The following EOLA2 variants were observed in gnomAD, a reference collection of about 807,000 sequenced individuals.
The protein encoded by EOLA2 is protein EOLA2.
EOLA2 carries 3 observed loss-of-function variants against 4.1 expected under a neutral mutation model. The observed-to-expected ratio is 0.73, with a 90% confidence interval of 0.33 to 1.89. EOLA2 has a LOEUF of 1.89. Ranked by LOEUF, EOLA2 falls within the 40% of genes most tolerant of loss-of-function variation. The pLI is 0.08. For synonymous variants in EOLA2, 52 were observed against 51.7 expected (o/e 1.01, Z -0.03); for missense variants, 109 against 126.4 (o/e 0.86, Z 0.66).
intron 2 of EOLA2, 121 bp downstream of exon 2, chrX:149,937,312 T>C (rs1446811978): frequency 1.7e-5 from 3 of 172,706 alleles, no homozygotes; most frequent in African/African-American, 9.4e-5. Flanking sequence ...CCAACCCTTT[T>C]CTCGTCATCA....
chrX:149,933,717 C>T lies in EOLA2; in HGVS notation c.158G>A (p.Cys53Tyr). 8.3e-7 allele frequency: 1 copy of T among 1,208,047 alleles called. No homozygotes were observed. Among genetic ancestry groups the T allele is most frequent in the Non-Finnish European group, 1.1e-6 (1 of 894,915 alleles). Residue 53 changes from cysteine (C) to tyrosine (Y), a missense_variant, in exon 4 of 5, where the codon TGT becomes TAT. By Grantham distance (194) the Cys-to-Tyr change is radical. Coordinates refer to ENST00000370406, the MANE Select transcript of EOLA2 (RefSeq NM_001013845.2). ...GAGTCTCTCCACCAGCAGCTCCCGA[C>T]AGGCATCGCCTTCCCAGTCCCTGTG... is the stretch of plus-strand genomic sequence containing the variant. ...IAHRDWEGDA[C>Y]RELLVERLGM... is the part of the protein sequence containing the mutation.
In EOLA2 at chrX:149,933,962, G is replaced by C. The variant is rs1223156928; in HGVS notation, c.-30+43C>G. The C allele has an allele frequency of 1.7e-5, 20 of 1,159,347 alleles. No homozygotes were observed. In the Middle Eastern group the frequency reaches 7.4e-4, roughly 43 times the overall value. On this transcript the variant is annotated intron_variant, in intron 3 of 4. Transcript: ENST00000370406. ...CCTTCAAGCTCATGGGCAGTGGCCT[G>C]ACCTTCCCCCCGTGTCTCTCAGGTG...
chrX:149,937,475 C>G lies in EOLA2; in HGVS notation c.-205G>C. ...GAGGAAACACTCTTCCACTTGGTTT[C>G]TTTACCTGCACAACAAGGAAGATAA... On this transcript the variant is annotated 5_prime_UTR_variant, in exon 2 of 5. Coordinates refer to ENST00000370406, the MANE Select transcript of EOLA2 (RefSeq NM_001013845.2). 1 of 675,645 alleles carries G rather than the reference C, an allele frequency of 1.5e-6. No homozygotes were observed. The highest frequency in any genetic ancestry group is 1.8e-6 in the Non-Finnish European group (1 of 566,155). 55.7% of individuals were successfully genotyped at this position (675,645 alleles called of 1,213,427 possible).
Position 149,932,732 on chromosome X carries a change from C to T in EOLA2, c.289G>A (p.Glu97Lys), listed in dbSNP as rs149390769. 2.2e-3 allele frequency: 2,633 copies of T among 1,202,658 alleles called. 13 individuals carry two copies. The highest frequency in any genetic ancestry group is 2.7e-3 in the Non-Finnish European group (2,416 of 892,979). Residue 97 changes from glutamate (E) to lysine (K), a missense_variant, in exon 5 of 5, where the codon GAA becomes AAA. Coordinates refer to ENST00000370406, the MANE Select transcript of EOLA2 (RefSeq NM_001013845.2). ...VDIGETLQCP[E>K]DLTPDEVVEL... ...ACAACCTCATCGGGAGTTAAGTCTT[C>T]GGGGCATTGCAAAGTTTCCCCAATG...
At chrX:149,937,370 T>C (rs2091023507) in intron 2 of EOLA2, 63 bp downstream of exon 2, 1 of 357,197 alleles carries the variant, frequency 2.8e-6, no homozygotes, top group African/African-American at 2.8e-5. Context: ...TAGTAGGAAC[T>C]GATGTAACTG....
chrX:149,936,035 CTT>C (rs1351847155), intron 2 of EOLA2, among the ~76,000 whole-genome samples: 2 of 95,025 alleles, frequency 2.1e-5, no homozygotes, highest in African/African-American at 4.0e-5. Context: ...CCTCTGCACT[CTT>C]GTGACCACAC....
At chrX:149,934,795 C>T (rs2090952284) in intron 2 of EOLA2, among the ~76,000 whole-genome samples, 1 of 112,553 alleles carries the variant, frequency 8.9e-6, no homozygotes, top group Admixed American at 9.3e-5. Flanking sequence ...GCCCAGCCTC[C>T]TGCGTGTGTG....
At chrX:149,930,823 C>T, downstream of EOLA2, 4 of 728,497 alleles carry the variant, frequency 5.5e-6, no homozygotes, top group Non-Finnish European at 6.9e-6. Context: ...GCACCCAGTC[C>T]TTCAGGCGCT....
chrX:149,930,232 T>G (rs1337957213), downstream of EOLA2: 1 of 1,086,403 alleles, frequency 9.2e-7, no homozygotes, highest in Middle Eastern at 2.6e-4. Context: ...GTGTCAAAGA[T>G]AGCATTTGAA....
downstream of EOLA2, chrX:149,930,255 T>C: frequency 9.5e-7 from 1 of 1,055,973 alleles, no homozygotes; most frequent in East Asian, 3.4e-5. Flanking sequence ...TGTGAAATAT[T>C]GTTTATTGAA....
intron 2 of EOLA2, among the ~76,000 whole-genome samples, chrX:149,935,306 C>T (rs1308311592): frequency 5.9e-5 from 4 of 67,505 alleles, no homozygotes; most frequent in South Asian, 8.3e-4. Context: ...GCTCTGGACC[C>T]TGCTCCTCTG....
chrX:149,931,321 T>C, downstream of EOLA2: 1 of 330,000 alleles, frequency 3.0e-6, no homozygotes, highest in Middle Eastern at 9.4e-4. Context: ...CCTTCTATAT[T>C]ATATACATCT....
chrX:149,933,640 C>T lies in EOLA2; in HGVS notation c.235G>A (p.Gly79Ser). Reference protein sequence around the residue: ...QALLRKGEKFGRGVIAGLVDI... With the variant: ...QALLRKGEKFSRGVIAGLVDI... Reference sequence around the variant, plus strand: ...CACTTACCCGCTATCACTCCTCGACCAAACTTTTCCCCTTTCCTGAGCAAG... The same window carrying T: ...CACTTACCCGCTATCACTCCTCGACTAAACTTTTCCCCTTTCCTGAGCAAG... The change falls in exon 4 of 5, where the codon GGT becomes AGT. Residue 79 changes from glycine (G) to serine (S), a missense_variant. Coordinates refer to ENST00000370406, the MANE Select transcript of EOLA2 (RefSeq NM_001013845.2). The T allele has an allele frequency of 8.3e-7, 1 of 1,206,769 alleles. No individual in the cohort carries two copies.
At position 149,932,469 on chromosome X, in the gene EOLA2, C is replaced by T. The variant is rs147302694; in HGVS notation, c.*75G>A. On this transcript the variant is annotated 3_prime_UTR_variant, in exon 5 of 5. Coordinates refer to ENST00000370406, the MANE Select transcript of EOLA2 (RefSeq NM_001013845.2). ...CTTTAACCTAATTTATACAGGTCTGCGTCACGATGGCAAATTGAAGGTGCC... is the reference window on the plus strand; with the variant it reads ...CTTTAACCTAATTTATACAGGTCTGTGTCACGATGGCAAATTGAAGGTGCC... The T allele has an allele frequency of 1.0e-4, 121 of 1,196,406 alleles. 3 individuals are homozygous for T. In the East Asian group the frequency reaches 1.7e-3, roughly 17 times the overall value.
rs1421416945 is a variant in EOLA2 at position 149,935,897 on chromosome X, C to T, written c.-163+1536G>A. On this transcript the variant is annotated intron_variant, in intron 2 of 4. Transcript: ENST00000370406. ...CGGCCCACATCCCGTGGCACTGTGT[C>T]CAAAACCGACACTGAATCTGATCCC... Among the ~76,000 whole-genome samples the T allele has an allele frequency of 4.6e-4, 50 of 108,841 alleles. 1 individual carries two copies. The highest frequency in any genetic ancestry group is 4.3e-3 in the Middle Eastern group (1 of 233). 94.5% of individuals were successfully genotyped at this position (108,841 alleles called of 115,157 possible).
At position 149,932,597 on chromosome X, in the gene EOLA2, C is replaced by T. The variant is rs1467693994; in HGVS notation, c.424G>A (p.Val142Ile). 8.3e-7 allele frequency: 1 copy of T among 1,203,881 alleles called. No homozygotes were observed. Among genetic ancestry groups the T allele is most frequent in the Non-Finnish European group, 1.1e-6 (1 of 892,964 alleles). Residue 142 changes from valine to isoleucine, a missense_variant, in exon 5 of 5, where the codon GTA becomes ATA. Transcript: ENST00000370406. ...EPIPRKGGKD[V>I]FQVDIPEHLI... ...TGCTCTGGGATGTCTACCTGGAATA[C>T]ATCCTTGCCTCCTTTCCTAGGTATG...
intron 2 of EOLA2, among the ~76,000 whole-genome samples, chrX:149,935,250 C>A (rs1408618588): frequency 1.3e-5 from 1 of 78,104 alleles, no homozygotes; most frequent in Admixed American, 1.5e-4. Context: ...CTGCTTTTCT[C>A]CCGCCTCTGG....
rs1360401628 is a variant in EOLA2 at position 149,938,409 on chromosome X, T to A, written c.-427A>T. 1 of 112,564 alleles carries A rather than the reference T, an allele frequency of 8.9e-6. No individual in the cohort carries two copies. The highest frequency in any genetic ancestry group is 1.9e-5 in the Non-Finnish European group (1 of 53,185). The allele number at this position is 112,564 out of a possible 1,213,427, so 9.3% of individuals were successfully genotyped here. A position where few individuals can be genotyped will look rare whatever the true frequency, so the allele number is the denominator to read the frequency against. ...GCTGCCGCTTACTCCCGGAAACCGG[T>A]GGCCAGTGACAGATGCTAGCGGTCC... On this transcript the variant is annotated 5_prime_UTR_variant, in exon 1 of 5. Coordinates refer to ENST00000370406, the MANE Select transcript of EOLA2 (RefSeq NM_001013845.2).
Position 149,932,658 on chromosome X carries a change from C to T in EOLA2, c.363G>A (p.Leu121=), listed in dbSNP as rs782744483. ...ACCACCTGGGGTTTGAAATCACAGT[C>T]AGGTACTTCTGCTTCAGGTTGGTCA... The part of the protein sequence containing the change: ...AALTNLKQKY[L]TVISNPRWLL... The change falls in exon 5 of 5, where the codon CTG becomes CTA. Residue 121 remains leucine (L), a synonymous_variant. Coordinates refer to ENST00000370406, the MANE Select transcript of EOLA2 (RefSeq NM_001013845.2). 1 of 1,208,122 alleles carries T rather than the reference C, an allele frequency of 8.3e-7. No individual in the cohort carries two copies. Among genetic ancestry groups the T allele is most frequent in the East Asian group, 3.0e-5 (1 of 33,732 alleles).
Sources: allele counts gnomAD v4.1 joint callset (sites outside exome capture counted in the v4.1 genomes callset), GRCh38; gene constraint gnomAD v4.1.1; transcripts MANE v1.5; gene names NCBI Gene and HGNC (gene_info 2026-07-23, HGNC 2026-07-21).